The following KAZN variants were observed in gnomAD, a reference collection of about 807,000 sequenced individuals.
KAZN encodes the protein kazrin.
Under a neutral mutation model 87.4 loss-of-function variants are expected in KAZN, and 40 were observed. The ratio of observed to expected loss-of-function variants is 0.46; its 90% CI spans 0.36 to 0.60. The LOEUF is 0.60. KAZN is among the 20% of genes least tolerant of loss of function. The pLI is 0.00. For synonymous variants in KAZN, 466 were observed against 458.3 expected, an observed-to-expected ratio of 1.02 and a Z score of -0.22; for missense variants, 898 against 1,073.9, an observed-to-expected ratio of 0.84 and a Z score of 2.29.
intron 1 of KAZN, among the ~76,000 whole-genome samples, chr1:13,921,187 G>A (rs1452066326): frequency 2.0e-5 from 3 of 152,148 alleles, no homozygotes; most frequent in African/African-American, 7.2e-5. Flanking sequence ...GTTTATCAAT[G>A]TTTGAAATGA....
At chr1:14,838,717 G>A (rs1447244340) in intron 1 of KAZN, among the ~76,000 whole-genome samples, 3 of 152,088 alleles carry the variant, frequency 2.0e-5, no homozygotes, top group Non-Finnish European at 4.4e-5. Flanking sequence ...TGCCTCCCAG[G>A]TTCAAGTGAT....
chr1:14,418,176 G>C (rs577625449), intron 2 of KAZN, among the ~76,000 whole-genome samples: 33 of 152,132 alleles, frequency 2.2e-4, no homozygotes, highest in Non-Finnish European at 3.8e-4. Context: ...AAGAACCTTA[G>C]ATCTTACTAA....
chr1:14,728,390 T>G (rs1397434917), intron 1 of KAZN, among the ~76,000 whole-genome samples: 6 of 144,490 alleles, frequency 4.2e-5, no homozygotes, highest in Non-Finnish European at 1.5e-5. Flanking sequence ...TGGTTGCAAA[T>G]AAGATGAAGC....
intron 1 of KAZN, among the ~76,000 whole-genome samples, chr1:14,948,118 T>A (rs1662048022): frequency 6.6e-6 from 1 of 152,198 alleles, no homozygotes; most frequent in Non-Finnish European, 1.5e-5. Flanking sequence ...GTAGGGAAGC[T>A]AAGTGCCCAG....
intron 1 of KAZN, among the ~76,000 whole-genome samples, chr1:14,641,573 C>T (rs1254557197): frequency 3.9e-5 from 6 of 152,128 alleles, no homozygotes; most frequent in Non-Finnish European, 7.4e-5. Flanking sequence ...CAGCTGTCAC[C>T]ACCCCACCCC....
chr1:14,969,712 AC>A (rs1437499081), intron 2 of KAZN, among the ~76,000 whole-genome samples: 1 of 152,248 alleles, frequency 6.6e-6, no homozygotes, highest in Non-Finnish European at 1.5e-5. Flanking sequence ...TATAGTTGCC[AC>A]TGGACCTGCT....
At chr1:14,162,968 T>A (rs1174735790) in intron 1 of KAZN, among the ~76,000 whole-genome samples, 1 of 152,180 alleles carries the variant, frequency 6.6e-6, no homozygotes, top group Non-Finnish European at 1.5e-5. Flanking sequence ...CCAGTAAATC[T>A]TGGCTTTTTT....
rs190791371 is a variant in KAZN, at chr1:14,924,075, G to A, written c.227-36609G>A. 2,444 of 932,856 alleles carry A rather than the reference G, an allele frequency of 2.6e-3. 65 individuals are homozygous for A. In the African/African-American group the frequency reaches 0.041, roughly 16 times the overall value. 57.8% of individuals were successfully genotyped at this position (932,856 alleles called of 1,614,324 possible). The stretch of plus-strand genomic sequence containing the variant: ...GGCGGGGGCGGGGCGGGGGCGGGGC[G>A]AGCCTCGGCAGTCGCCAGCCCGGAA... On this transcript the variant is annotated intron_variant, in intron 1 of 14. Transcript: ENST00000376030.
At position 14,536,966 on chromosome 1, in the gene KAZN, G is replaced by C. The variant is rs561556551; in HGVS notation, c.250-62017G>C. 1.6e-4 allele frequency among the ~76,000 whole-genome samples: 25 copies of C among 152,210 alleles called. 1 individual carries two copies. Among genetic ancestry groups the C allele is most frequent in the Admixed American group, 1.4e-3 (21 of 15,286 alleles). ...TTCCTTCCAGTCTCTGGCATCTCCT[G>C]GTACAATAGATGTTCACTAGACTGT... On this transcript the variant is annotated intron_variant, in intron 2 of 16. Coordinates refer to the KAZN transcript ENST00000636203.
Position 14,342,907 on chromosome 1 carries a change from A to G in KAZN, c.249+162315A>G, listed in dbSNP as rs140885400. 4.8e-3 allele frequency among the ~76,000 whole-genome samples: 735 copies of G among 152,178 alleles called. 8 individuals are homozygous for G. Among genetic ancestry groups the G allele is most frequent in the African/African-American group, 0.017 (710 of 41,510 alleles). On this transcript the variant is annotated intron_variant, in intron 2 of 16. Coordinates refer to the KAZN transcript ENST00000636203. ...TGTAATCCCAGCATTTTGGGCGGCT[A>G]AGTTGGGAGAATCACCTGAGGTCAG...
chr1:13,976,319 TCTGTC>T (rs1355852948), intron 1 of KAZN, among the ~76,000 whole-genome samples: 1 of 152,222 alleles, frequency 6.6e-6, no homozygotes, highest in Non-Finnish European at 1.5e-5. Flanking sequence ...AATAAGTCAA[TCTGTC>T]CTTTGCTGTC....
intron 2 of KAZN, among the ~76,000 whole-genome samples, chr1:14,578,541 T>C (rs1675336243): frequency 6.6e-6 from 1 of 152,202 alleles, no homozygotes; most frequent in Non-Finnish European, 1.5e-5. Context: ...AGTCTACTAA[T>C]GGAAATATGT....
chr1:15,092,060 G>GTTTTTTTTTTTTTTTTTTTTTTTTTTT (rs57460680), intron 8 of KAZN, among the ~76,000 whole-genome samples: 1 of 114,446 alleles, frequency 8.7e-6, no homozygotes, highest in African/African-American at 3.3e-5. Flanking sequence ...TTGTTTTTTT[G>GTTTTTTTTTTTTTTTTTTTTTTTTTTT]TTTTTTTTTT....
intron 2 of KAZN, among the ~76,000 whole-genome samples, chr1:14,204,915 A>ATAAAC (rs1646708756): frequency 6.6e-6 from 1 of 152,258 alleles, no homozygotes; most frequent in African/African-American, 2.4e-5. Flanking sequence ...GCTGTCAGAG[A>ATAAAC]TAAACTGAAA....
chr1:13,909,858 GC>G (rs1481097686), intron 1 of KAZN, among the ~76,000 whole-genome samples: 1 of 152,158 alleles, frequency 6.6e-6, no homozygotes, highest in Non-Finnish European at 1.5e-5. Context: ...GGCAGCTCTA[GC>G]CCCTCTTCTT....
intron 1 of KAZN, among the ~76,000 whole-genome samples, chr1:14,153,592 T>C (rs1471012251): frequency 6.6e-6 from 1 of 151,330 alleles, no homozygotes; most frequent in Non-Finnish European, 1.5e-5. Context: ...CTGACCAACA[T>C]GGAGAAACCC....
intron 1 of KAZN, among the ~76,000 whole-genome samples, chr1:14,853,916 G>C (rs1649763970): frequency 6.6e-6 from 1 of 152,226 alleles, no homozygotes; most frequent in African/African-American, 2.4e-5. Context: ...CAGAGGAAGA[G>C]GAAAGTCAGC....
At chr1:14,460,843 A>T (rs1311655015) in intron 2 of KAZN, among the ~76,000 whole-genome samples, 1 of 152,188 alleles carries the variant, frequency 6.6e-6, no homozygotes, top group East Asian at 1.9e-4. Context: ...CACAAATTTG[A>T]TCTCATTAAA....
chr1:14,677,615 G>A (rs1269143593), intron 1 of KAZN, among the ~76,000 whole-genome samples: 1 of 152,118 alleles, frequency 6.6e-6, no homozygotes, highest in African/African-American at 2.4e-5. Context: ...ACCATCCCAG[G>A]GTTCCTCTGG....
Sources: gnomAD v4.1 joint callset for allele counts (sites outside exome capture counted in the v4.1 genomes callset) on GRCh38, gnomAD v4.1.1 for gene constraint, MANE v1.5 for transcripts, NCBI Gene and HGNC (gene_info 2026-07-23, HGNC 2026-07-21) for gene names.